The following SPTBN1 variants were observed in gnomAD, a reference collection of about 807,000 sequenced individuals.
SPTBN1 encodes spectrin beta, non-erythrocytic 1, also known as spectrin beta chain, non-erythrocytic 1.
A neutral mutation model predicts 266.4 loss-of-function variants in SPTBN1; 32 were observed. The observed-to-expected ratio is 0.12, with a 90% CI of 0.09 to 0.16. SPTBN1 has a LOEUF of 0.16. Ranked by LOEUF, SPTBN1 falls within the 10% of genes least tolerant of loss-of-function variation. The probability of loss-of-function intolerance (pLI) is 1.00; values close to 1 mark genes in which losing one functional copy is unlikely to be tolerated. For missense variants in SPTBN1, 2,296 were observed against 3,067.1 expected, an observed-to-expected ratio of 0.75 and a Z score of 5.94; for synonymous variants, 1,336 against 1,162.2, an observed-to-expected ratio of 1.15 and a Z score of -3.04.
intron 1 of SPTBN1, among the ~76,000 whole-genome samples, chr2:54,515,236 G>T (rs945018633): frequency 4.6e-5 from 7 of 152,136 alleles, no homozygotes; most frequent in South Asian, 2.1e-4. Context: ...TGCCAACTCA[G>T]TGGACCCCTA....
At chr2:54,589,287 G>T (rs528275007) in intron 2 of SPTBN1, among the ~76,000 whole-genome samples, 1 of 152,134 alleles carries the variant, frequency 6.6e-6, no homozygotes, top group Non-Finnish European at 1.5e-5. Flanking sequence ...CTTGACGTAC[G>T]ACTGTGACAG....
intron 18 of SPTBN1, 101 bp from the exon 19 acceptor site, chr2:54,642,882 T>C (rs940031021): frequency 7.1e-7 from 1 of 1,406,254 alleles, no homozygotes; most frequent in Non-Finnish European, 9.7e-7. Flanking sequence ...CATGGAAACG[T>C]GTGTAGTATG....
chr2:54,589,212 C>T (rs1381776541), intron 2 of SPTBN1, among the ~76,000 whole-genome samples: 1 of 152,166 alleles, frequency 6.6e-6, no homozygotes, highest in Non-Finnish European at 1.5e-5. Flanking sequence ...GAGAAAGCCC[C>T]CATCATAACC....
chr2:54,660,795 C>A, intron 32 of SPTBN1: 4 of 985,396 alleles, frequency 4.1e-6, no homozygotes, highest in Non-Finnish European at 4.8e-6. Flanking sequence ...AGTAAAGTGC[C>A]CGCTGACTGC....
chr2:54,526,410 CA>C lies in SPTBN1; in HGVS notation c.-8del. On this transcript the variant is annotated 5_prime_UTR_variant, in exon 2 of 36. Transcript: ENST00000356805. ...AGCTGATGTGGAGGAGCAGCTGAGA[CA>C]GTTCAAGATGACGACCACAGTAGCC... is the stretch of plus-strand genomic sequence containing the variant. The C allele has an allele frequency of 6.2e-7, 1 of 1,613,666 alleles. No individual in the cohort carries two copies. Among genetic ancestry groups the C allele is most frequent in the Non-Finnish European group, 8.5e-7 (1 of 1,179,818 alleles).
intron 2 of SPTBN1, among the ~76,000 whole-genome samples, chr2:54,556,672 G>GGTGT (rs370878173): frequency 2.6e-5 from 4 of 151,474 alleles, no homozygotes; most frequent in East Asian, 1.9e-4. Flanking sequence ...GTCTTGATGT[G>GGTGT]GTGTGTGTGT....
chr2:54,485,003 A>C (rs1161688723), intron 1 of SPTBN1, among the ~76,000 whole-genome samples: 2 of 152,238 alleles, frequency 1.3e-5, no homozygotes, highest in Non-Finnish European at 2.9e-5. Flanking sequence ...AATGTTTATG[A>C]AAGACAGTGA....
chr2:54,606,959 A>G (rs533287132), intron 3 of SPTBN1, among the ~76,000 whole-genome samples: 7 of 152,354 alleles, frequency 4.6e-5, no homozygotes, highest in African/African-American at 1.4e-4. Context: ...CTACCTCGTT[A>G]GATTGCTTGA....
chr2:54,472,021 T>TG (rs1693949330), intron 1 of SPTBN1, among the ~76,000 whole-genome samples: 2 of 104,744 alleles, frequency 1.9e-5, no homozygotes, highest in African/African-American at 8.6e-5. Context: ...GCCCTGAAGA[T>TG]GTTTTTTTTT....
chr2:54,618,080 C>A lies in SPTBN1; in HGVS notation c.650C>A (p.Pro217His). The change falls in exon 7 of 36, where the codon CCT (proline) becomes CAT (histidine). Residue 217 changes from proline to histidine, a missense_variant and splice_region_variant. By Grantham distance (77) the Pro-to-His change is moderately conservative (BLOSUM62 -2). Around this residue, in one of 12 missense-constraint regions of SPTBN1, gnomAD observed 178 missense variants for 375.7 expected, o/e 0.47. Coordinates refer to ENST00000356805, the MANE Select transcript of SPTBN1 (RefSeq NM_003128.3). Reference sequence around the variant, plus strand: ...TGTCCCACTGTTGTTCTGCACAGGCCTGACCTGATAGATTTTGACAAACTA... The same window carrying A: ...TGTCCCACTGTTGTTCTGCACAGGCATGACCTGATAGATTTTGACAAACTA... ...AFNALIHKHR[P>H]DLIDFDKLKK... 1.9e-6 allele frequency: 3 copies of A among 1,613,742 alleles called. No homozygotes were observed. Among genetic ancestry groups the A allele is most frequent in the South Asian group, 1.1e-5 (1 of 91,070 alleles).
chr2:54,637,872 A>G (rs1481506933), intron 18 of SPTBN1, 69 bp downstream of exon 18: 1 of 1,296,030 alleles, frequency 7.7e-7, no homozygotes, highest in Non-Finnish European at 1.1e-6. Context: ...CATTTAGCAC[A>G]AGAGCCTTTT....
chr2:54,570,616 A>G (rs1673994882), intron 2 of SPTBN1, among the ~76,000 whole-genome samples: 1 of 152,144 alleles, frequency 6.6e-6, no homozygotes, highest in Admixed American at 6.6e-5. Context: ...GACTGGTTGC[A>G]GGTGTGTGTG....
chr2:54,499,855 C>T (rs887746480), intron 1 of SPTBN1, among the ~76,000 whole-genome samples: 1 of 152,232 alleles, frequency 6.6e-6, no homozygotes, highest in Admixed American at 6.5e-5. Flanking sequence ...TGTCAGCCAA[C>T]ACAGAGTTTT....
chr2:54,665,306 C>T (rs1277513825), intron 33 of SPTBN1, among the ~76,000 whole-genome samples: 1 of 152,210 alleles, frequency 6.6e-6, no homozygotes, highest in African/African-American at 2.4e-5. Flanking sequence ...AACTGCCATT[C>T]ACGTTGAGGA....
intron 17 of SPTBN1, 62 bp downstream of exon 17, chr2:54,632,830 A>G: frequency 6.4e-7 from 1 of 1,569,740 alleles, no homozygotes; most frequent in East Asian, 2.3e-5. Context: ...CTTCTGAATC[A>G]TTGGCCAGAA....
chr2:54,556,886 A>G (rs1294798231), intron 2 of SPTBN1, among the ~76,000 whole-genome samples: 1 of 152,150 alleles, frequency 6.6e-6, no homozygotes, highest in Non-Finnish European at 1.5e-5. Flanking sequence ...TCATAGGGTA[A>G]TTAAGAGGCT....
chr2:54,520,812 TC>T (rs1430814665), intron 1 of SPTBN1, among the ~76,000 whole-genome samples: 2 of 152,064 alleles, frequency 1.3e-5, no homozygotes, highest in African/African-American at 4.8e-5. Flanking sequence ...TTTAACGAGC[TC>T]CTACTGTGGT....
intron 28 of SPTBN1, among the ~76,000 whole-genome samples, chr2:54,655,441 G>A (rs568653157): frequency 3.8e-4 from 58 of 152,270 alleles, no homozygotes; most frequent in Admixed American, 1.8e-3. Context: ...AATGGACTCC[G>A]CATCCTCCCC....
chr2:54,623,390 C>G, intron 9 of SPTBN1, 89 bp from the exon 10 acceptor site: 1 of 1,147,654 alleles, frequency 8.7e-7, no homozygotes, highest in Non-Finnish European at 1.3e-6. Context: ...TCATGTAAGT[C>G]AGACCAGAGT....
Sources: allele counts gnomAD v4.1 joint callset (sites outside exome capture counted in the v4.1 genomes callset), GRCh38; gene constraint gnomAD v4.1.1; regional missense constraint gnomAD v4.1.1; transcripts MANE v1.5; gene names NCBI Gene and HGNC (gene_info 2026-07-23, HGNC 2026-07-21).